Variants in RBFOX1 observed in about 807,000 individuals in gnomAD.
The protein encoded by RBFOX1 is RNA binding protein fox-1 homolog 1.
A neutral mutation model predicts 57.7 loss-of-function variants in RBFOX1; 8 were observed. The observed-to-expected ratio is 0.14, with a 90% confidence interval of 0.08 to 0.25. The LOEUF is 0.25. Among genes scored for constraint, RBFOX1 ranks in the 10% least tolerant of loss-of-function variants. The probability of loss-of-function intolerance (pLI) is 1.00; values close to 1 mark genes in which losing one functional copy is unlikely to be tolerated. For synonymous variants in RBFOX1, 326 were observed against 222.4 expected, an observed-to-expected ratio of 1.47 and a Z score of -4.15; for missense variants, 611 against 548.5, an observed-to-expected ratio of 1.11 and a Z score of -1.14.
At chr16:5,978,499 T>A (rs1448992197) in intron 4 of RBFOX1, among the ~76,000 whole-genome samples, 1 of 152,172 alleles carries the variant, frequency 6.6e-6, no homozygotes, top group Non-Finnish European at 1.5e-5. Flanking sequence ...CCAGCGTTGC[T>A]ATATTACTAT....
intron 4 of RBFOX1, among the ~76,000 whole-genome samples, chr16:5,881,980 A>G (rs1009863725): frequency 1.3e-5 from 2 of 152,222 alleles, no homozygotes; most frequent in Non-Finnish European, 2.9e-5. Flanking sequence ...CCTTGGTGCC[A>G]GGTTTATTAT....
At chr16:5,735,293 C>T (rs2052531368) in intron 3 of RBFOX1, among the ~76,000 whole-genome samples, 1 of 152,212 alleles carries the variant, frequency 6.6e-6, no homozygotes, top group Non-Finnish European at 1.5e-5. Context: ...GCTTCCATTA[C>T]TCAAACCCAG....
At chr16:6,491,058 G>T (rs1319071906) in intron 2 of RBFOX1, among the ~76,000 whole-genome samples, 1 of 151,984 alleles carries the variant, frequency 6.6e-6, no homozygotes, top group African/African-American at 2.4e-5. Context: ...AAGTTCTGTA[G>T]ATACTATCTA....
chr16:7,137,937 A>G (rs559418756), intron 4 of RBFOX1, among the ~76,000 whole-genome samples: 5 of 152,318 alleles, frequency 3.3e-5, no homozygotes, highest in African/African-American at 7.2e-5. Flanking sequence ...TAAATACTCA[A>G]TATTTCAGTG....
intron 3 of RBFOX1, among the ~76,000 whole-genome samples, chr16:7,048,710 T>G (rs2048912625): frequency 6.6e-6 from 1 of 152,220 alleles, no homozygotes; most frequent in African/African-American, 2.4e-5. Context: ...TTTGCTATGT[T>G]GATGTTGGTG....
intron 3 of RBFOX1, among the ~76,000 whole-genome samples, chr16:6,676,832 C>A (rs1380126998): frequency 6.6e-6 from 1 of 151,794 alleles, no homozygotes; most frequent in Non-Finnish European, 1.5e-5. Context: ...CCCGCCACCA[C>A]TCCCAGCTAA....
At chr16:7,425,392 C>T (rs980977223) in intron 4 of RBFOX1, among the ~76,000 whole-genome samples, 2 of 152,176 alleles carry the variant, frequency 1.3e-5, no homozygotes, top group African/African-American at 4.8e-5. Context: ...TCATTTTTCC[C>T]TCAACCGGAT....
intron 4 of RBFOX1, among the ~76,000 whole-genome samples, chr16:7,229,747 G>C (rs2093375837): frequency 9.5e-6 from 1 of 105,048 alleles, no homozygotes; most frequent in South Asian, 4.1e-4. Flanking sequence ...GGGGAAGAAG[G>C]AAGGGAGAGA....
chr16:6,847,863 A>T (rs957488146), intron 3 of RBFOX1, among the ~76,000 whole-genome samples: 1 of 151,992 alleles, frequency 6.6e-6, no homozygotes, highest in African/African-American at 2.4e-5. Flanking sequence ...GTTGAAATGG[A>T]GTCTTGGTCT....
intron 1 of RBFOX1, among the ~76,000 whole-genome samples, chr16:6,307,843 GATT>G (rs1175465104): frequency 6.9e-6 from 1 of 145,024 alleles, no homozygotes; most frequent in Non-Finnish European, 1.5e-5. Context: ...TGTTTATTTG[GATT>G]ATTACTTTTA....
intron 14 of RBFOX1, among the ~76,000 whole-genome samples, chr16:7,700,991 C>A (rs1345241589): frequency 2.0e-5 from 3 of 151,380 alleles, no homozygotes; most frequent in Admixed American, 6.6e-5. Flanking sequence ...TATCCATGGG[C>A]AAAAAAAAGC....
At chr16:6,853,987 A>G (rs1158842452) in intron 3 of RBFOX1, among the ~76,000 whole-genome samples, 1 of 152,186 alleles carries the variant, frequency 6.6e-6, no homozygotes, top group Non-Finnish European at 1.5e-5. Flanking sequence ...GTAATGAGCT[A>G]TTAGTCTGCA....
At chr16:7,149,158 C>T (rs1052004671) in intron 4 of RBFOX1, among the ~76,000 whole-genome samples, 1 of 152,168 alleles carries the variant, frequency 6.6e-6, no homozygotes, top group African/African-American at 2.4e-5. Flanking sequence ...GAAATCATTT[C>T]CTACTGCCCA....
intron 2 of RBFOX1, among the ~76,000 whole-genome samples, chr16:6,573,214 C>T (rs1376052435): frequency 1.3e-5 from 2 of 152,104 alleles, no homozygotes; most frequent in Admixed American, 6.6e-5. Context: ...CAGTAGACAA[C>T]GTTAAATCAG....
At chr16:7,369,948 G>T (rs188077049) in intron 4 of RBFOX1, among the ~76,000 whole-genome samples, 1 of 152,276 alleles carries the variant, frequency 6.6e-6, no homozygotes, top group East Asian at 1.9e-4. Context: ...CTTGCTTGAA[G>T]CCACCATGCT....
At chr16:6,712,207 G>A (rs13335320) in intron 3 of RBFOX1, among the ~76,000 whole-genome samples, 5,198 of 152,216 alleles carry the variant, frequency 0.034, 289 homozygotes, top group African/African-American at 0.12. Context: ...GGCTGTTTCA[G>A]CTATGGTCAG....
At chr16:7,503,643 G>C (rs1029889325) in intron 4 of RBFOX1, among the ~76,000 whole-genome samples, 5 of 152,210 alleles carry the variant, frequency 3.3e-5, no homozygotes, top group African/African-American at 1.2e-4. Flanking sequence ...GTGGGCTGGT[G>C]AAAGGAGATG....
chr16:7,224,559 G>T (rs77644643), intron 4 of RBFOX1, among the ~76,000 whole-genome samples: 118 of 152,246 alleles, frequency 7.8e-4, no homozygotes, highest in African/African-American at 1.7e-3. Flanking sequence ...GGAGGTTTGA[G>T]CATCAGGATT....
intron 3 of RBFOX1, among the ~76,000 whole-genome samples, chr16:5,809,478 A>T (rs1387431002): frequency 6.6e-6 from 1 of 151,714 alleles, no homozygotes; most frequent in East Asian, 2.0e-4. Flanking sequence ...AATTTACAAG[A>T]AAAAAACAAA....
Sources: gnomAD v4.1 joint callset for allele counts (sites outside exome capture counted in the v4.1 genomes callset) on GRCh38, gnomAD v4.1.1 for gene constraint, MANE v1.5 for transcripts, NCBI Gene and HGNC (gene_info 2026-07-23, HGNC 2026-07-21) for gene names.